Variants in SAMD12 observed in about 807,000 individuals in gnomAD.
SAMD12 encodes the protein sterile alpha motif domain-containing protein 12.
SAMD12 carries 9 observed loss-of-function variants against 15.0 expected under a neutral mutation model. That is an observed-to-expected ratio of 0.60 (90% CI 0.36 to 1.05). The LOEUF (loss-of-function observed/expected upper bound fraction) is 1.05. Among genes scored for constraint, SAMD12 ranks in the 50% least tolerant of loss-of-function variants. The pLI is 0.01. For missense variants in SAMD12, 230 were observed against 234.2 expected (o/e 0.98, Z 0.12); for synonymous variants, 86 against 90.1 (o/e 0.96, Z 0.25).
chr8:118,410,444 G>A (rs1325716210), intron 3 of SAMD12, among the ~76,000 whole-genome samples: 1 of 152,192 alleles, frequency 6.6e-6, no homozygotes, highest in Non-Finnish European at 1.5e-5. Flanking sequence ...TCAAGAGTTA[G>A]GGACGATATC....
chr8:118,483,907 T>C (rs1427121717), intron 2 of SAMD12, among the ~76,000 whole-genome samples: 1 of 152,232 alleles, frequency 6.6e-6, no homozygotes, highest in Non-Finnish European at 1.5e-5. Context: ...ATTTATTCAA[T>C]CAGCATATAT....
chr8:118,617,242 T>C (rs1828261594), intron 1 of SAMD12, among the ~76,000 whole-genome samples: 1 of 152,276 alleles, frequency 6.6e-6, no homozygotes, highest in Non-Finnish European at 1.5e-5. Context: ...AGTCATCATT[T>C]ATGGGGCTGC....
At chr8:118,380,548 A>G (rs558335461) in intron 3 of SAMD12, among the ~76,000 whole-genome samples, 1 of 152,328 alleles carries the variant, frequency 6.6e-6, no homozygotes, top group Non-Finnish European at 1.5e-5. Flanking sequence ...TAAAATAAGC[A>G]TATTTCCATT....
intron 4 of SAMD12, among the ~76,000 whole-genome samples, chr8:118,287,045 A>G (rs187059326): frequency 7.0e-4 from 106 of 152,208 alleles, no homozygotes; most frequent in African/African-American, 2.3e-3. Flanking sequence ...TTTTAAGATA[A>G]TATATATATT....
chr8:118,621,723 A>T (rs1828413272), intron 1 of SAMD12, 81 bp downstream of exon 1: 2 of 1,527,134 alleles, frequency 1.3e-6, no homozygotes, highest in African/African-American at 1.4e-5. Context: ...CCTCCCCACG[A>T]TCGCCAAGCT....
intron 3 of SAMD12, among the ~76,000 whole-genome samples, chr8:118,403,722 G>T (rs1201849216): frequency 1.3e-5 from 2 of 152,158 alleles, no homozygotes; most frequent in Non-Finnish European, 2.9e-5. Context: ...TTTAAAGAAT[G>T]AGATTTGTCA....
intron 2 of SAMD12, among the ~76,000 whole-genome samples, chr8:118,517,924 C>T (rs1204427739): frequency 4.6e-5 from 7 of 152,118 alleles, no homozygotes; most frequent in Non-Finnish European, 1.0e-4. Flanking sequence ...AATCTGGGAC[C>T]TTGAACAATG....
intron 2 of SAMD12, among the ~76,000 whole-genome samples, chr8:118,465,135 T>C (rs1183688975): frequency 1.3e-5 from 2 of 152,078 alleles, no homozygotes; most frequent in Non-Finnish European, 2.9e-5. Context: ...AATCTTAAAA[T>C]ATACCCCAAC....
chr8:118,471,354 T>C (rs79527021), intron 2 of SAMD12, among the ~76,000 whole-genome samples: 4,455 of 152,304 alleles, frequency 0.029, 220 homozygotes, highest in African/African-American at 0.1. Context: ...GCAGTCACCA[T>C]TATTTGGTGA....
intron 4 of SAMD12, among the ~76,000 whole-genome samples, chr8:118,369,994 G>T (rs533966609): frequency 1.3e-5 from 2 of 152,190 alleles, no homozygotes; most frequent in South Asian, 2.1e-4. Flanking sequence ...CAGAATGGGA[G>T]AAATTTTTTC....
intron 4 of SAMD12, among the ~76,000 whole-genome samples, chr8:118,369,731 TA>T (rs1363708503): frequency 6.6e-6 from 1 of 150,558 alleles, no homozygotes; most frequent in Non-Finnish European, 1.5e-5. Flanking sequence ...AAATAAAATA[TA>T]AAAAACCCAC....
At chr8:118,190,506 A>G (rs941748775) in exon 5 of SAMD12, 3 of 103,288 alleles carry the variant, frequency 2.9e-5, no homozygotes, top group African/African-American at 4.0e-5. Context: ...TATATTAGAA[A>G]AAGTGTGTGT....
rs557698514 is a variant in SAMD12, at chr8:118,600,283, TA to T, written c.14-19391del. 3.7e-3 allele frequency among the ~76,000 whole-genome samples: 514 copies of T among 137,980 alleles called. 7 individuals carry two copies. The highest frequency in any genetic ancestry group is 0.03 in the South Asian group (130 of 4,376). 90.5% of individuals were successfully genotyped at this position (137,980 alleles called of 152,430 possible). On this transcript the variant is annotated intron_variant, in intron 1 of 3. Transcript: ENST00000314727. The stretch of plus-strand genomic sequence containing the variant: ...ACATTTGAGAGGTTCAAAACTAGAG[TA>T]AAAAAAAAAAAACTACATTTAGAGT...
chr8:118,491,305 C>T (rs774930551), intron 2 of SAMD12, among the ~76,000 whole-genome samples: 1 of 152,310 alleles, frequency 6.6e-6, no homozygotes, highest in Admixed American at 6.5e-5. Flanking sequence ...GGAGATCTAA[C>T]ATCCTTTAGG....
At chr8:118,394,698 AGACCCAGGCTAGT>A (rs1447120729) in intron 3 of SAMD12, 6 of 152,230 alleles carry the variant, frequency 3.9e-5, no homozygotes, top group Non-Finnish European at 8.8e-5. Flanking sequence ...GTCACCTAGT[AGACCCAGGCTAGT>A]GATGGTGCCA....
intron 2 of SAMD12, among the ~76,000 whole-genome samples, chr8:118,445,321 C>T (rs1822881690): frequency 6.6e-6 from 1 of 152,192 alleles, no homozygotes; most frequent in South Asian, 2.1e-4. Flanking sequence ...ATAATGTCTT[C>T]TTCTGTCACC....
intron 4 of SAMD12, among the ~76,000 whole-genome samples, chr8:118,247,371 T>TAATA (rs764190047): frequency 3.2e-4 from 49 of 152,204 alleles, no homozygotes; most frequent in South Asian, 2.5e-3. Context: ...CTATAGTTAA[T>TAATA]AATAACATAT....
intron 4 of SAMD12, among the ~76,000 whole-genome samples, chr8:118,336,851 G>A (rs1817101106): frequency 6.6e-6 from 1 of 152,220 alleles, no homozygotes; most frequent in South Asian, 2.1e-4. Context: ...ATGAGTTCAT[G>A]TCCTTTGTAG....
At chr8:118,198,992 T>A (rs1819639375) in intron 4 of SAMD12, among the ~76,000 whole-genome samples, 1 of 152,180 alleles carries the variant, frequency 6.6e-6, no homozygotes. Flanking sequence ...TGTTGAAGAT[T>A]TAGGTTAAGT....
Sources: allele counts gnomAD v4.1 joint callset (sites outside exome capture counted in the v4.1 genomes callset), GRCh38; gene constraint gnomAD v4.1.1; transcripts MANE v1.5; gene names NCBI Gene and HGNC (gene_info 2026-07-23, HGNC 2026-07-21).